The following STRN variants were observed in gnomAD, a reference collection of about 807,000 sequenced individuals.
The protein encoded by STRN is striatin, also known as protein phosphatase 2 regulatory subunit B'''alpha.
STRN carries 53 observed loss-of-function variants against 96.3 expected under a neutral mutation model. The observed-to-expected ratio is 0.55, with a 90% confidence interval of 0.44 to 0.69. The LOEUF is 0.69. STRN is among the 30% of genes least tolerant of loss of function. The pLI, the probability that STRN is intolerant of heterozygous loss-of-function variation, is 0.00. For synonymous variants in STRN, 428 were observed against 355.9 expected, an observed-to-expected ratio of 1.20 and a Z score of -2.28; for missense variants, 987 against 963.9, an observed-to-expected ratio of 1.02 and a Z score of -0.32.
intron 12 of STRN, among the ~76,000 whole-genome samples, chr2:36,862,830 G>C (rs1341211907): frequency 1.3e-5 from 2 of 151,810 alleles, no homozygotes; most frequent in African/African-American, 4.8e-5. Context: ...TGCCTCCCGG[G>C]TTCACGCCGT....
chr2:36,942,447 T>A (rs1670868959), intron 1 of STRN, among the ~76,000 whole-genome samples: 1 of 152,110 alleles, frequency 6.6e-6, no homozygotes. Flanking sequence ...CCACTATAAT[T>A]GGGTATTTAG....
chr2:36,899,286 T>G (rs1278948101), intron 6 of STRN, among the ~76,000 whole-genome samples: 2 of 152,148 alleles, frequency 1.3e-5, no homozygotes, highest in Admixed American at 6.6e-5. Context: ...CATAGAAAAG[T>G]TGTCCTGTTC....
chr2:36,861,716 T>C (rs1309670865), intron 12 of STRN, among the ~76,000 whole-genome samples: 1 of 126,470 alleles, frequency 7.9e-6, no homozygotes, highest in Non-Finnish European at 1.7e-5. Flanking sequence ...AAAAATGCAA[T>C]GTATCATTGC....
chr2:36,863,541 T>C (rs965633067), intron 12 of STRN, among the ~76,000 whole-genome samples: 1 of 152,226 alleles, frequency 6.6e-6, no homozygotes, highest in African/African-American at 2.4e-5. Flanking sequence ...CTTCTGTTTT[T>C]GTACCAGTAC....
At chr2:36,904,625 G>A (rs1388656372) in intron 4 of STRN, among the ~76,000 whole-genome samples, 2 of 152,172 alleles carry the variant, frequency 1.3e-5, no homozygotes, top group African/African-American at 4.8e-5. Context: ...TCAGGAGTTC[G>A]AGATCAGCCT....
intron 13 of STRN, among the ~76,000 whole-genome samples, chr2:36,858,249 T>C (rs1220143307): frequency 6.6e-6 from 1 of 152,154 alleles, no homozygotes; most frequent in South Asian, 2.1e-4. Flanking sequence ...CACGTATTTT[T>C]CCCCCTTAAA....
intron 13 of STRN, among the ~76,000 whole-genome samples, chr2:36,859,336 C>T (rs1056347027): frequency 3.3e-5 from 5 of 152,042 alleles, no homozygotes; most frequent in East Asian, 1.9e-4. Flanking sequence ...AGCAGTGAGA[C>T]AGCCAGAGCA....
Position 36,850,986 on chromosome 2 carries a change from T to G in STRN, c.2086+14A>C. On this transcript the variant is annotated intron_variant, in intron 16 of 17. Coordinates refer to ENST00000263918, the MANE Select transcript of STRN (RefSeq NM_003162.4). Reference sequence around the variant, plus strand: ...TTTTGCTTTAATAAAAATCAATTCTTAATAAATTCTTACCTGTATTGTTAT... The same window carrying G: ...TTTTGCTTTAATAAAAATCAATTCTGAATAAATTCTTACCTGTATTGTTAT... 6.4e-7 allele frequency: 1 copy of G among 1,555,488 alleles called. No individual in the cohort carries two copies. The highest frequency in any genetic ancestry group is 2.3e-5 in the East Asian group (1 of 43,764).
intron 3 of STRN, among the ~76,000 whole-genome samples, chr2:36,910,304 C>A (rs1669933513): frequency 6.6e-6 from 1 of 151,716 alleles, no homozygotes; most frequent in South Asian, 2.1e-4. Context: ...AAACACAGAT[C>A]TACACAAAGG....
chr2:36,919,823 G>C (rs1670203141), intron 2 of STRN, among the ~76,000 whole-genome samples: 1 of 152,130 alleles, frequency 6.6e-6, no homozygotes, highest in Non-Finnish European at 1.5e-5. Flanking sequence ...TATTTATATA[G>C]TATTTGAGGT....
intron 10 of STRN, among the ~76,000 whole-genome samples, chr2:36,873,468 G>A (rs980213732): frequency 2.0e-5 from 3 of 152,150 alleles, no homozygotes; most frequent in Non-Finnish European, 4.4e-5. Flanking sequence ...GCTGAGATGG[G>A]AGGAGAGCCT....
rs995290602 is a variant in STRN at position 36,848,139 on chromosome 2, C to T, written c.*1317G>A. ...CACAGGTAAGTTGGGCTGGGGAAGC[C>T]TGGCCTTTTAAGGTGTGGATTTCCC... On this transcript the variant is annotated 3_prime_UTR_variant, in exon 18 of 18. Transcript: ENST00000263918. 2 of 152,200 alleles carry T rather than the reference C, an allele frequency of 1.3e-5. No homozygotes were observed. The highest frequency in any genetic ancestry group is 4.8e-5 in the African/African-American group (2 of 41,520). 9.4% of individuals were successfully genotyped at this position (152,200 alleles called of 1,614,324 possible).
intron 1 of STRN, among the ~76,000 whole-genome samples, chr2:36,928,853 GCA>G (rs1670492782): frequency 6.9e-6 from 1 of 145,970 alleles, no homozygotes; most frequent in Non-Finnish European, 1.5e-5. Context: ...GGAGGCTGAG[GCA>G]CAGAATTGCT....
chr2:36,966,515 C>CAGCGGCGGCA lies in STRN; in HGVS notation c.-62_-53dup, dbSNP rs1281091149. 1.8e-5 allele frequency: 24 copies of CAGCGGCGGCA among 1,312,562 alleles called. No individual in the cohort carries two copies. The highest frequency in any genetic ancestry group is 1.1e-5 in the Non-Finnish European group (11 of 1,012,916). The allele number at this position is 1,312,562 out of a possible 1,614,324, so 81.3% of individuals were successfully genotyped here. ...CCCCGGCGCCCAGCAGCGGAGGCAA[C>CAGCGGCGGCA]AGCGGCGGCAAGCAGCGCCTCCTCC... On this transcript the variant is annotated 5_prime_UTR_variant, in exon 1 of 18. Coordinates refer to ENST00000263918, the MANE Select transcript of STRN (RefSeq NM_003162.4).
chr2:36,861,027 C>G (rs143267565), intron 13 of STRN, 105 bp downstream of exon 13: 17 of 1,341,184 alleles, frequency 1.3e-5, no homozygotes, highest in Non-Finnish European at 1.6e-5. Flanking sequence ...GTTCTCTTTA[C>G]CTATTTATTT....
rs1668957289 is a variant in STRN at position 36,877,895 on chromosome 2, T to C, written c.1319A>G (p.Tyr440Cys). The change falls in exon 10 of 18, where the codon TAT becomes TGT. Residue 440 changes from tyrosine to cysteine, a missense_variant. Tyr to Cys is a radical substitution (Grantham distance 194). Coordinates refer to ENST00000263918, the MANE Select transcript of STRN (RefSeq NM_003162.4). ...AAAAACAAAACTACTACTTACATCA[T>C]AAGTTAGTGAGTCTGCTTCATTGGC... ...TVANEADSLT[Y>C]DIANNKDALR... 6.2e-7 allele frequency: 1 copy of C among 1,613,654 alleles called. No individual in the cohort carries two copies. The highest frequency in any genetic ancestry group is 8.5e-7 in the Non-Finnish European group (1 of 1,179,854).
Position 36,845,846 on chromosome 2 carries a change from C to T in STRN, c.*3610G>A, listed in dbSNP as rs1223770917. The stretch of plus-strand genomic sequence containing the variant: ...AAGTTGAGCAGATACATTAAAAAGA[C>T]ATTGATGGTCACAAATCAGGACCTT... On this transcript the variant is annotated 3_prime_UTR_variant, in exon 18 of 18. Transcript: ENST00000263918. 1.3e-5 allele frequency: 2 copies of T among 149,472 alleles called. No homozygotes were observed. The highest frequency in any genetic ancestry group is 3.0e-5 in the Non-Finnish European group (2 of 67,410). 9.3% of individuals were successfully genotyped at this position (149,472 alleles called of 1,614,324 possible).
chr2:36,947,990 T>C (rs1664637920), intron 1 of STRN, among the ~76,000 whole-genome samples: 1 of 151,402 alleles, frequency 6.6e-6, no homozygotes, highest in African/African-American at 2.4e-5. Context: ...TTAAATTAAT[T>C]ATTAAATCAA....
intron 10 of STRN, among the ~76,000 whole-genome samples, chr2:36,875,446 C>G (rs769631311): frequency 1.1e-4 from 14 of 127,402 alleles, no homozygotes; most frequent in Non-Finnish European, 1.6e-4. Context: ...GTCAAGGCTA[C>G]AGTGAGCTGT....
Sources: allele counts gnomAD v4.1 joint callset (sites outside exome capture counted in the v4.1 genomes callset), GRCh38; gene constraint gnomAD v4.1.1; transcripts MANE v1.5; gene names NCBI Gene and HGNC (gene_info 2026-07-23, HGNC 2026-07-21).